The following TTC28 variants were observed in gnomAD, a reference collection of about 807,000 sequenced individuals.
The protein encoded by TTC28 is tetratricopeptide repeat domain 28, also known as tetratricopeptide repeat protein 28.
Under a neutral mutation model 198.0 loss-of-function variants are expected in TTC28, and 61 were observed. That is an observed-to-expected ratio of 0.31 (90% confidence interval 0.25 to 0.38). The LOEUF (loss-of-function observed/expected upper bound fraction) is 0.38, where lower values mean the gene tolerates loss of function less well. Among genes scored for constraint, TTC28 ranks in the 10% least tolerant of loss-of-function variants. TTC28 has a pLI of 1.00. For missense variants in TTC28, 2,678 were observed against 3,164.0 expected (o/e 0.85, Z 3.69); for synonymous variants, 1,171 against 1,297.8 (o/e 0.90, Z 2.10).
At chr22:28,378,196 A>G (rs185870286) in intron 2 of TTC28, among the ~76,000 whole-genome samples, 392 of 152,144 alleles carry the variant, frequency 2.6e-3, no homozygotes, top group Non-Finnish European at 4.5e-3. Context: ...ATACAAGAAC[A>G]TTAGCCAGGC....
At chr22:28,433,409 T>C (rs760318050) in intron 2 of TTC28, among the ~76,000 whole-genome samples, 1 of 152,118 alleles carries the variant, frequency 6.6e-6, no homozygotes, top group Non-Finnish European at 1.5e-5. Context: ...AGCTTCTGAA[T>C]AGCTATGTGA....
intron 2 of TTC28, among the ~76,000 whole-genome samples, chr22:28,372,103 C>T (rs894384397): frequency 9.9e-5 from 15 of 151,686 alleles, no homozygotes; most frequent in Non-Finnish European, 1.3e-4. Context: ...ACCACCTCCC[C>T]GCCTTAAAAA....
intron 6 of TTC28, among the ~76,000 whole-genome samples, chr22:28,126,313 C>T (rs1483495869): frequency 6.6e-6 from 1 of 152,176 alleles, no homozygotes; most frequent in Non-Finnish European, 1.5e-5. Context: ...CTGGGGTTGG[C>T]CACGGAGAAC....
chr22:28,424,210 C>T lies in TTC28; in HGVS notation c.382-117567G>A, dbSNP rs1028004423. The stretch of plus-strand genomic sequence containing the variant: ...GCTCTTAATAATTACTTGCCCATAA[C>T]ACTTTACACTCCCACAATAAACAAA... On this transcript the variant is annotated intron_variant, in intron 2 of 22. Coordinates refer to ENST00000397906, the MANE Select transcript of TTC28 (RefSeq NM_001145418.2). 5.3e-5 allele frequency among the ~76,000 whole-genome samples: 8 copies of T among 152,130 alleles called. No homozygotes were observed. The South Asian group carries it at 6.2e-4, about 12-fold the overall frequency.
chr22:28,188,896 A>G (rs1924458909), intron 5 of TTC28, among the ~76,000 whole-genome samples: 1 of 152,234 alleles, frequency 6.6e-6, no homozygotes, highest in African/African-American at 2.4e-5. Context: ...ACACAGAGGC[A>G]CTAATTCGTT....
At chr22:28,043,923 G>C (rs1221353753) in intron 12 of TTC28, among the ~76,000 whole-genome samples, 1 of 152,186 alleles carries the variant, frequency 6.6e-6, no homozygotes, top group Non-Finnish European at 1.5e-5. Flanking sequence ...TGAGGGCAGA[G>C]ACAAGTGAAA....
intron 2 of TTC28, among the ~76,000 whole-genome samples, chr22:28,381,597 TGC>T (rs2146025945): frequency 6.6e-6 from 1 of 152,264 alleles, no homozygotes; most frequent in Admixed American, 6.5e-5. Flanking sequence ...CTAAAATCAC[TGC>T]TCGCAAGTAA....
intron 6 of TTC28, among the ~76,000 whole-genome samples, chr22:28,128,326 A>G (rs1942969370): frequency 7.2e-6 from 1 of 138,466 alleles, no homozygotes; most frequent in South Asian, 2.1e-4. Flanking sequence ...TCAAAAAAAC[A>G]AAAAAAAAAG....
intron 1 of TTC28, among the ~76,000 whole-genome samples, chr22:28,661,311 G>A (rs1040911549): frequency 6.6e-6 from 1 of 152,070 alleles, no homozygotes; most frequent in African/African-American, 2.4e-5. Flanking sequence ...TTGTTATATA[G>A]CCTCATTTCA....
At chr22:28,081,995 A>G (rs1941382538) in intron 12 of TTC28, among the ~76,000 whole-genome samples, 1 of 152,072 alleles carries the variant, frequency 6.6e-6, no homozygotes, top group Admixed American at 6.6e-5. Flanking sequence ...ATTCCTGAGT[A>G]TTTTGTAATT....
At chr22:28,612,755 G>A (rs1375473641) in intron 2 of TTC28, among the ~76,000 whole-genome samples, 1 of 152,144 alleles carries the variant, frequency 6.6e-6, no homozygotes, top group Admixed American at 6.5e-5. Flanking sequence ...CGAAATTAAG[G>A]AAGAAATAAA....
rs776703918 is a variant in TTC28 at position 28,098,324 on chromosome 22, C to T, written c.3547+591G>A. On this transcript the variant is annotated intron_variant, in intron 10 of 22. Coordinates refer to ENST00000397906, the MANE Select transcript of TTC28 (RefSeq NM_001145418.2). ...CTCTTAGTCAGATGCTTGAACCACA[C>T]GCTAGTGGTGAGAGGGAACCTAGGG... Among the ~76,000 whole-genome samples the T allele has an allele frequency of 4.6e-5, 7 of 152,172 alleles. No homozygotes were observed. In the East Asian group the frequency reaches 9.6e-4, roughly 21 times the overall value.
At chr22:28,609,943 T>C (rs924955517) in intron 2 of TTC28, among the ~76,000 whole-genome samples, 13 of 152,098 alleles carry the variant, frequency 8.5e-5, no homozygotes, top group African/African-American at 2.4e-4. Context: ...AAGGCAGTTT[T>C]ACCCTCACAG....
At chr22:28,442,391 G>C (rs1056235113) in intron 2 of TTC28, among the ~76,000 whole-genome samples, 13 of 152,254 alleles carry the variant, frequency 8.5e-5, no homozygotes, top group African/African-American at 2.9e-4. Context: ...CAGCTGCTGG[G>C]CTGGTGTGCT....
intron 2 of TTC28, among the ~76,000 whole-genome samples, chr22:28,579,152 ATAC>A (rs2050194593): frequency 7.3e-6 from 1 of 137,170 alleles, no homozygotes; most frequent in African/African-American, 3.0e-5. Flanking sequence ...GTATATAGCT[ATAC>A]ATACATACAG....
chr22:28,657,463 G>A (rs540810543), intron 1 of TTC28, among the ~76,000 whole-genome samples: 15 of 152,206 alleles, frequency 9.9e-5, no homozygotes, highest in East Asian at 5.8e-4. Context: ...GAATAAAGTG[G>A]GCAGAATAAA....
intron 9 of TTC28, among the ~76,000 whole-genome samples, chr22:28,100,625 C>G (rs1942113475): frequency 6.6e-6 from 1 of 152,174 alleles, no homozygotes; most frequent in Non-Finnish European, 1.5e-5. Flanking sequence ...GCACAATGTC[C>G]TCTGCAGTCA....
At chr22:28,100,111 T>C (rs1942100027) in intron 9 of TTC28, among the ~76,000 whole-genome samples, 1 of 152,224 alleles carries the variant, frequency 6.6e-6, no homozygotes, top group Non-Finnish European at 1.5e-5. Context: ...GACTCTGATA[T>C]TTACATGCTG....
chr22:28,499,094 T>C (rs2048499521), intron 2 of TTC28, among the ~76,000 whole-genome samples: 1 of 152,044 alleles, frequency 6.6e-6, no homozygotes, highest in African/African-American at 2.4e-5. Context: ...TGGGGGATTG[T>C]TTGAGCCTGG....
Sources: gnomAD v4.1 joint callset for allele counts (sites outside exome capture counted in the v4.1 genomes callset) on GRCh38, gnomAD v4.1.1 for gene constraint, MANE v1.5 for transcripts, NCBI Gene and HGNC (gene_info 2026-07-23, HGNC 2026-07-21) for gene names.